The following GPM6A variants were observed in gnomAD, a reference collection of about 807,000 sequenced individuals.
GPM6A encodes glycoprotein M6A, also known as neuronal membrane glycoprotein M6-a.
A neutral mutation model predicts 32.1 loss-of-function variants in GPM6A; 7 were observed. The ratio of observed to expected loss-of-function variants is 0.22; its 90% CI spans 0.12 to 0.41. The LOEUF is 0.41. GPM6A is among the 10% of genes least tolerant of loss of function. The probability of loss-of-function intolerance (pLI) is 1.00; values close to 1 mark genes in which losing one functional copy is unlikely to be tolerated. For missense variants in GPM6A, 235 were observed against 347.2 expected (o/e 0.68, Z 2.57); for synonymous variants, 130 against 123.4 (o/e 1.05, Z -0.35).
intron 1 of GPM6A, among the ~76,000 whole-genome samples, chr4:175,846,633 T>G (rs9312588): frequency 0.41 from 61,578 of 151,932 alleles, 13,304 homozygotes; most frequent in African/African-American, 0.57. Context: ...GGAAAAATAT[T>G]ATTTTTTCTT....
intron 1 of GPM6A, among the ~76,000 whole-genome samples, chr4:175,801,779 A>T (rs571522548): frequency 1.3e-5 from 2 of 152,256 alleles, no homozygotes; most frequent in Non-Finnish European, 2.9e-5. Flanking sequence ...ATTTAAAAGA[A>T]GATAGAGTAG....
chr4:175,876,245 G>A (rs771520547), intron 1 of GPM6A, among the ~76,000 whole-genome samples: 3 of 152,082 alleles, frequency 2.0e-5, no homozygotes, highest in African/African-American at 4.8e-5. Context: ...AGTTTCAGAT[G>A]AGCAGTTTCA....
In GPM6A at chr4:175,927,697, C is replaced by A. The variant is rs139419852; in HGVS notation, c.-23+74612G>T. 8.0e-3 allele frequency among the ~76,000 whole-genome samples: 1,213 copies of A among 152,288 alleles called. 13 individuals are homozygous for A. The highest frequency in any genetic ancestry group is 0.028 in the African/African-American group (1,146 of 41,550). On this transcript the variant is annotated intron_variant, in intron 1 of 7. Coordinates refer to the GPM6A transcript ENST00000280187. ...GTCAGGCGCTCGAGACGAGCCTGGA[C>A]AACATGGTGAAACACCATCTCTATA...
At chr4:175,815,992 CA>C (rs1360223098), upstream of GPM6A, among the ~76,000 whole-genome samples, 1 of 152,242 alleles carries the variant, frequency 6.6e-6, no homozygotes, top group East Asian at 1.9e-4. Flanking sequence ...GCTGGGATTA[CA>C]GGCGTGAGCC....
intron 1 of GPM6A, among the ~76,000 whole-genome samples, chr4:175,767,677 G>A (rs1047882445): frequency 6.6e-6 from 1 of 152,186 alleles, no homozygotes; most frequent in Admixed American, 6.5e-5. Context: ...GGGCAGTAAT[G>A]CATTTTAGGA....
chr4:175,733,231 C>CAGTG (rs1731508659), intron 1 of GPM6A, among the ~76,000 whole-genome samples: 1 of 152,130 alleles, frequency 6.6e-6, no homozygotes, highest in South Asian at 2.1e-4. Context: ...TGGCAGTGTG[C>CAGTG]AGTGGCTCAC....
intron 1 of GPM6A, among the ~76,000 whole-genome samples, chr4:175,728,939 C>T (rs182183362): frequency 6.6e-6 from 1 of 152,258 alleles, no homozygotes; most frequent in Non-Finnish European, 1.5e-5. Context: ...GAGCTTCTCT[C>T]TTGGGGTGAC....
chr4:175,686,244 T>C (rs1211879220), intron 2 of GPM6A, among the ~76,000 whole-genome samples: 2 of 152,224 alleles, frequency 1.3e-5, no homozygotes, highest in African/African-American at 2.4e-5. Context: ...CATACATTTA[T>C]TTAGATTGGT....
intron 1 of GPM6A, among the ~76,000 whole-genome samples, chr4:175,901,214 G>C (rs1294873857): frequency 6.6e-6 from 1 of 152,056 alleles, no homozygotes; most frequent in Non-Finnish European, 1.5e-5. Context: ...GAATGAAAAA[G>C]ACATAGTATT....
chr4:175,919,227 A>G (rs1031177572), intron 1 of GPM6A, among the ~76,000 whole-genome samples: 3 of 152,210 alleles, frequency 2.0e-5, no homozygotes, highest in African/African-American at 7.2e-5. Context: ...TCTGGCACAA[A>G]TGAGGTCCCT....
intron 1 of GPM6A, among the ~76,000 whole-genome samples, chr4:175,788,406 AG>A (rs1579501508): frequency 2.6e-5 from 4 of 152,334 alleles, no homozygotes; most frequent in Admixed American, 6.5e-5. Context: ...TAAATTGGCA[AG>A]GTATATTCAG....
intron 1 of GPM6A, among the ~76,000 whole-genome samples, chr4:175,982,152 T>C (rs535931488): frequency 1.3e-5 from 2 of 152,242 alleles, no homozygotes; most frequent in East Asian, 3.9e-4. Context: ...CAGTCTCTTA[T>C]CAGGTATATG....
intron 1 of GPM6A, among the ~76,000 whole-genome samples, chr4:175,831,008 C>G (rs1330499697): frequency 6.6e-6 from 1 of 152,094 alleles, no homozygotes; most frequent in African/African-American, 2.4e-5. Context: ...TCCTTTATCT[C>G]ATTTATTTGT....
intron 1 of GPM6A, among the ~76,000 whole-genome samples, chr4:175,732,887 T>C (rs1458230475): frequency 6.6e-6 from 1 of 152,170 alleles, no homozygotes; most frequent in African/African-American, 2.4e-5. Flanking sequence ...GGCAAGAATT[T>C]CTGTGTTATT....
chr4:175,779,653 G>T (rs148020597), intron 1 of GPM6A, among the ~76,000 whole-genome samples: 3 of 152,196 alleles, frequency 2.0e-5, no homozygotes, highest in Admixed American at 2.0e-4. Context: ...CTGAAGGTCA[G>T]TTAACAAATT....
At chr4:175,953,507 C>T (rs1480708312) in intron 1 of GPM6A, among the ~76,000 whole-genome samples, 1 of 152,154 alleles carries the variant, frequency 6.6e-6, no homozygotes, top group East Asian at 1.9e-4. Context: ...ATTTGCATGT[C>T]ATTATTTTTA....
chr4:175,992,638 A>G (rs907693276), intron 1 of GPM6A, among the ~76,000 whole-genome samples: 4 of 152,190 alleles, frequency 2.6e-5, no homozygotes, highest in African/African-American at 7.2e-5. Flanking sequence ...CTCCTAGTGT[A>G]GTGATTATTT....
At chr4:175,725,993 C>CTTT (rs377474451) in intron 1 of GPM6A, among the ~76,000 whole-genome samples, 61,812 of 121,674 alleles carry the variant, frequency 0.51, 16,394 homozygotes, top group Non-Finnish European at 0.55. Context: ...CCTGTTTCTT[C>CTTT]TTTTTTTTTT....
chr4:175,841,492 A>T (rs1280216697), intron 1 of GPM6A, among the ~76,000 whole-genome samples: 1 of 152,142 alleles, frequency 6.6e-6, no homozygotes, highest in Non-Finnish European at 1.5e-5. Flanking sequence ...AAGGATAAGG[A>T]TGCTTGTCTA....
Sources: gnomAD v4.1 joint callset for allele counts (sites outside exome capture counted in the v4.1 genomes callset) on GRCh38, gnomAD v4.1.1 for gene constraint, MANE v1.5 for transcripts, NCBI Gene and HGNC (gene_info 2026-07-23, HGNC 2026-07-21) for gene names.